PELO: variants seen among roughly 807,000 people sequenced by gnomAD.
PELO encodes the protein protein pelota homolog.
Under a neutral mutation model 25.9 loss-of-function variants are expected in PELO, and 19 were observed. The observed-to-expected ratio is 0.73, with a 90% confidence interval of 0.51 to 1.08. The LOEUF is 1.08. PELO is among the 50% of genes least tolerant of loss of function. The pLI is 0.00. For synonymous variants in PELO, 196 were observed against 192.2 expected (o/e 1.02, Z -0.16); for missense variants, 498 against 491.4 (o/e 1.01, Z -0.13).
intron 1 of PELO, 32 bp downstream of exon 1, chr5:52,788,446 T>G: frequency 6.8e-7 from 1 of 1,466,450 alleles, no homozygotes; most frequent in Non-Finnish European, 9.0e-7. Context: ...GAGCATCTCC[T>G]GCTCGCGGGC....
Position 52,802,353 on chromosome 5 carries a change from G to T in PELO, c.*513G>T, listed in dbSNP as rs894224981. On this transcript the variant is annotated 3_prime_UTR_variant, in exon 3 of 3. Transcript: ENST00000274311. ...TTTAAATAGTTTTACTATTTTAAAT[G>T]ATTGCCGTACAATTAGTAGACTTGA... The T allele has an allele frequency of 6.6e-6, 1 of 152,088 alleles. No homozygotes were observed. The highest frequency in any genetic ancestry group is 2.4e-5 in the African/African-American group (1 of 41,378). The allele number at this position is 152,088 out of a possible 1,614,324, so 9.4% of individuals were successfully genotyped here. A position where few individuals can be genotyped will look rare whatever the true frequency, so the allele number is the denominator to read the frequency against.
chr5:52,794,616 T>A (rs1748304410), intron 1 of PELO, among the ~76,000 whole-genome samples: 1 of 150,432 alleles, frequency 6.6e-6, no homozygotes. Flanking sequence ...CTTTCCATCA[T>A]GAGAAATTTA....
At position 52,800,034 on chromosome 5, in the gene PELO, C is replaced by T; in HGVS notation, c.-361C>T. The T allele has an allele frequency of 3.4e-6, 1 of 295,122 alleles. No individual in the cohort carries two copies. The highest frequency in any genetic ancestry group is 6.5e-6 in the Non-Finnish European group (1 of 154,320). 18.3% of individuals were successfully genotyped at this position (295,122 alleles called of 1,614,324 possible). ...GCGCACGCGCGAACTGCGGCCCCGC[C>T]TCTCCTTTGGGGACGGGAGACGTGC... is the stretch of plus-strand genomic sequence containing the variant. On this transcript the variant is annotated 5_prime_UTR_variant, in exon 2 of 3. Coordinates refer to ENST00000274311, the MANE Select transcript of PELO (RefSeq NM_015946.5).
Position 52,800,627 on chromosome 5 carries a change from C to G in PELO, c.233C>G (p.Ala78Gly), listed in dbSNP as rs755880743. The change falls in exon 2 of 3, where the codon GCC becomes GGC. Residue 78 changes from alanine (A) to glycine (G), a missense_variant. Transcript: ENST00000274311. ...CVEAIDFDSQACQLRVKGTNI... is the reference protein window; with the variant it reads ...CVEAIDFDSQGCQLRVKGTNI... ...GAGGCCATCGACTTCGACTCTCAAG[C>G]CTGCCAGCTGCGGGTTAAGGGGACC... The G allele has an allele frequency of 6.2e-6, 10 of 1,613,962 alleles. No individual in the cohort carries two copies. The highest frequency in any genetic ancestry group is 8.5e-6 in the Non-Finnish European group (10 of 1,179,888).
At position 52,800,328 on chromosome 5, in the gene PELO, T is replaced by C; in HGVS notation, c.-67T>C. 1 of 1,580,964 alleles carries C rather than the reference T, an allele frequency of 6.3e-7. No individual in the cohort carries two copies. Among genetic ancestry groups the C allele is most frequent in the Non-Finnish European group, 8.6e-7 (1 of 1,157,418 alleles). On this transcript the variant is annotated 5_prime_UTR_variant, in exon 2 of 3. Coordinates refer to ENST00000274311, the MANE Select transcript of PELO (RefSeq NM_015946.5). ...CTTCCTGGCCTGCATTCCCATCCCC[T>C]CTCCCGGGGCGGAGGTGAGGACCTC...
rs374003501 is a variant in PELO at position 52,800,716 on chromosome 5, C to T, written c.322C>T (p.Arg108Cys). ...AYHTIELEPN[R>C]QFTLAKKQWD... Reference sequence around the variant, plus strand: ...CCACACCATCGAGCTGGAGCCCAACCGCCAGTTCACCCTGGCCAAGAAGCA... The same window carrying T: ...CCACACCATCGAGCTGGAGCCCAACTGCCAGTTCACCCTGGCCAAGAAGCA... The change falls in exon 2 of 3, where the codon CGC (arginine) becomes TGC (cysteine). Residue 108 changes from arginine to cysteine, a missense_variant. By Grantham distance (180) the Arg-to-Cys change is radical (BLOSUM62 -3). Coordinates refer to ENST00000274311, the MANE Select transcript of PELO (RefSeq NM_015946.5). The T allele has an allele frequency of 3.1e-6, 5 of 1,614,070 alleles. No homozygotes were observed. The highest frequency in any genetic ancestry group is 4.2e-6 in the Non-Finnish European group (5 of 1,180,038).
At chr5:52,789,303 C>A (rs1046895059) in intron 1 of PELO, among the ~76,000 whole-genome samples, 16 of 152,166 alleles carry the variant, frequency 1.1e-4, no homozygotes, top group Non-Finnish European at 5.9e-5. Flanking sequence ...AAGAAAATCA[C>A]CTTATTAATG....
Position 52,794,076 on chromosome 5 carries a change from T to TA in PELO, c.-511+5670dup, listed in dbSNP as rs141366163. 6.8e-3 allele frequency among the ~76,000 whole-genome samples: 1,034 copies of TA among 151,896 alleles called. 13 individuals are homozygous for TA. The highest frequency in any genetic ancestry group is 0.024 in the African/African-American group (976 of 41,488). On this transcript the variant is annotated intron_variant, in intron 1 of 2. Transcript: ENST00000274311. ...GGTGTTAGGAATTCACTTTATGTGT[T>TA]AAAAAAAATCAATTTTATCCAAACA...
intron 1 of PELO, among the ~76,000 whole-genome samples, chr5:52,794,689 T>A (rs958667824): frequency 2.0e-5 from 3 of 151,780 alleles, no homozygotes; most frequent in Non-Finnish European, 4.4e-5. Flanking sequence ...AAAAAACCAC[T>A]TTCCCTTTTA....
Position 52,800,321 on chromosome 5 carries a change from C to G in PELO, c.-74C>G. On this transcript the variant is annotated 5_prime_UTR_variant, in exon 2 of 3. Transcript: ENST00000274311. ...CCGCCCCCTTCCTGGCCTGCATTCC[C>G]ATCCCCTCTCCCGGGGCGGAGGTGA... 1 of 1,555,774 alleles carries G rather than the reference C, an allele frequency of 6.4e-7. No homozygotes were observed. Among genetic ancestry groups the G allele is most frequent in the South Asian group, 1.2e-5 (1 of 86,886 alleles).
Position 52,802,679 on chromosome 5 carries a change from T to G in PELO, c.*839T>G, listed in dbSNP as rs1219854293. On this transcript the variant is annotated 3_prime_UTR_variant, in exon 3 of 3. Coordinates refer to ENST00000274311, the MANE Select transcript of PELO (RefSeq NM_015946.5). Reference sequence around the variant, plus strand: ...TTTAGTTCTTTGCGCCAAAACATGCTATATTATTTATTTATTTTTTTGCTT... The same window carrying G: ...TTTAGTTCTTTGCGCCAAAACATGCGATATTATTTATTTATTTTTTTGCTT... The G allele has an allele frequency of 6.6e-6, 1 of 152,232 alleles. No individual in the cohort carries two copies. The highest frequency in any genetic ancestry group is 1.5e-5 in the Non-Finnish European group (1 of 68,048). 9.4% of individuals were successfully genotyped at this position (152,232 alleles called of 1,614,324 possible).
At position 52,801,284 on chromosome 5, in the gene PELO, T is replaced by G. The variant is rs1748475341; in HGVS notation, c.727-125T>G. 3 of 1,146,464 alleles carry G rather than the reference T, an allele frequency of 2.6e-6. No homozygotes were observed. In the South Asian group the frequency reaches 4.7e-5, roughly 18 times the overall value. 71.0% of individuals were successfully genotyped at this position (1,146,464 alleles called of 1,614,324 possible). On this transcript the variant is annotated intron_variant, in intron 2 of 2. Transcript: ENST00000274311. The stretch of plus-strand genomic sequence containing the variant: ...AGAGAATGTTAAATGTCTAGCAAAT[T>G]TATGGAGTAAACTTCGCTGAAACAT...
intron 1 of PELO, among the ~76,000 whole-genome samples, chr5:52,789,886 A>G (rs775092589): frequency 2.0e-5 from 3 of 152,254 alleles, no homozygotes; most frequent in Non-Finnish European, 4.4e-5. Flanking sequence ...ACTTGAAGTA[A>G]CAGAGAAGTT....
Position 52,800,096 on chromosome 5 carries a change from AT to A in PELO, c.-296del, listed in dbSNP as rs141683459. The A allele has an allele frequency of 0.037, 13,510 of 363,766 alleles. 1,615 individuals are homozygous for A. The highest frequency in any genetic ancestry group is 0.26 in the African/African-American group (12,110 of 47,298). The allele number at this position is 363,766 out of a possible 1,614,324, so 22.5% of individuals were successfully genotyped here. On this transcript the variant is annotated 5_prime_UTR_variant, in exon 2 of 3. It introduces an in-frame stop codon into an upstream open reading frame of the 5' UTR. Transcript: ENST00000274311. ...GGACGGGGGCTGCGCATGCGCCTTC[AT>A]TTCGTCAGCCCGCTGTTGCGTGCTG...
At chr5:52,793,636 T>C (rs1418774356) in intron 1 of PELO, among the ~76,000 whole-genome samples, 3 of 152,152 alleles carry the variant, frequency 2.0e-5, no homozygotes, top group Admixed American at 6.5e-5. Context: ...TTAAAAATTG[T>C]GTCATAAGAT....
chr5:52,801,714 G>C lies in PELO; in HGVS notation c.1032G>C (p.Arg344Ser). ...TGAAAGAGAATGCAGGCACCGTTAG[G>C]ATATTCTCTAGTCTTCACGTTTCTG... is the stretch of plus-strand genomic sequence containing the variant. ...DSVKENAGTV[R>S]IFSSLHVSGE... The change falls in exon 3 of 3, where the codon AGG becomes AGC. Residue 344 changes from arginine to serine, a missense_variant. By Grantham distance (110) the Arg-to-Ser change is moderately radical (BLOSUM62 -1). Coordinates refer to ENST00000274311, the MANE Select transcript of PELO (RefSeq NM_015946.5). 1 of 1,614,126 alleles carries C rather than the reference G, an allele frequency of 6.2e-7. No homozygotes were observed. The highest frequency in any genetic ancestry group is 8.5e-7 in the Non-Finnish European group (1 of 1,179,974).
rs374659242 is a variant in PELO, at chr5:52,792,506, A to G, written c.-511+4092A>G. Among the ~76,000 whole-genome samples, 72 of 152,284 alleles carry G rather than the reference A, an allele frequency of 4.7e-4. 1 individual carries two copies. In the South Asian group the frequency reaches 7.7e-3, roughly 16 times the overall value. Reference sequence around the variant, plus strand: ...TTAACTATTTCTCTTCCCTCCTGTCATAACACTTACCCAGCTATTTTGAAG... The same window carrying G: ...TTAACTATTTCTCTTCCCTCCTGTCGTAACACTTACCCAGCTATTTTGAAG... On this transcript the variant is annotated intron_variant, in intron 1 of 2. Transcript: ENST00000274311.
Position 52,800,790 on chromosome 5 carries a change from C to T in PELO, c.396C>T (p.Ala132=). ...GCATCGAGCAGGCCTGTGACCCAGC[C>T]TGGAGCGCTGATGTGGCGGCTGTGG... is the stretch of plus-strand genomic sequence containing the variant. ...LERIEQACDP[A]WSADVAAVVM... Residue 132 remains alanine (A), a synonymous_variant, in exon 2 of 3, where the codon GCC becomes GCT. Coordinates refer to ENST00000274311, the MANE Select transcript of PELO (RefSeq NM_015946.5). 1 of 1,613,518 alleles carries T rather than the reference C, an allele frequency of 6.2e-7. No homozygotes were observed. The highest frequency in any genetic ancestry group is 8.5e-7 in the Non-Finnish European group (1 of 1,179,582).
chr5:52,800,096 A>G lies in PELO; in HGVS notation c.-299A>G, dbSNP rs1024758913. ...GGACGGGGGCTGCGCATGCGCCTTC[A>G]TTTCGTCAGCCCGCTGTTGCGTGCT... On this transcript the variant is annotated 5_prime_UTR_variant, in exon 2 of 3. Coordinates refer to ENST00000274311, the MANE Select transcript of PELO (RefSeq NM_015946.5). The G allele has an allele frequency of 8.2e-6, 3 of 363,788 alleles. No individual in the cohort carries two copies. Among genetic ancestry groups the G allele is most frequent in the Non-Finnish European group, 1.5e-5 (3 of 196,556 alleles). The allele number at this position is 363,788 out of a possible 1,614,324, so 22.5% of individuals were successfully genotyped here. A position where few individuals can be genotyped will look rare whatever the true frequency, so the allele number is the denominator to read the frequency against.
Sources: allele counts gnomAD v4.1 joint callset (sites outside exome capture counted in the v4.1 genomes callset), GRCh38; gene constraint gnomAD v4.1.1; transcripts MANE v1.5; gene names NCBI Gene and HGNC (gene_info 2026-07-23, HGNC 2026-07-21).